The following FAT4 variants were observed in gnomAD, a reference collection of about 807,000 sequenced individuals.
FAT4 encodes protocadherin Fat 4.
A neutral mutation model predicts 303.9 loss-of-function variants in FAT4; 84 were observed. The ratio of observed to expected loss-of-function variants is 0.28; its 90% CI spans 0.23 to 0.33. FAT4 has a LOEUF of 0.33. Among genes scored for constraint, FAT4 ranks in the 10% least tolerant of loss-of-function variants. The pLI, the probability that FAT4 is intolerant of heterozygous loss-of-function variation, is 1.00. For missense variants in FAT4, 6,005 were observed against 6,146.8 expected, an observed-to-expected ratio of 0.98 and a Z score of 0.77; for synonymous variants, 2,307 against 2,298.8, an observed-to-expected ratio of 1.00 and a Z score of -0.10.
chr4:125,347,049 CA>C (rs1227569876), intron 2 of FAT4, among the ~76,000 whole-genome samples: 1 of 151,870 alleles, frequency 6.6e-6, no homozygotes, highest in Non-Finnish European at 1.5e-5. Flanking sequence ...TGAAAGAAAT[CA>C]GGTGAGAGCT....
chr4:125,476,322 A>G (rs887020500), intron 13 of FAT4, 66 bp downstream of exon 13: 4 of 811,254 alleles, frequency 4.9e-6, no homozygotes, highest in Non-Finnish European at 7.6e-6. Context: ...CTTTATACCT[A>G]AAAATAATTA....
At chr4:125,476,041 A>G in intron 12 of FAT4, 130 bp from the exon 13 acceptor site, 2 of 465,188 alleles carry the variant, frequency 4.3e-6, no homozygotes, top group South Asian at 9.0e-5. Context: ...TGATTTATAC[A>G]TTAAATCAAG....
At position 125,449,237 on chromosome 4, in the gene FAT4, C is replaced by T. The variant is rs770555304; in HGVS notation, c.8227C>T (p.Leu2743=). 3.3e-5 allele frequency: 53 copies of T among 1,613,718 alleles called. No individual in the cohort carries two copies. The highest frequency in any genetic ancestry group is 4.4e-5 in the Non-Finnish European group (52 of 1,179,894). Residue 2743 remains leucine, a synonymous_variant, in exon 10 of 18, where the codon CTA becomes TTA. Transcript: ENST00000394329. ...CAGGGAAAAAGTATCTCATTATGTCCTAACCATAAAATCATCAGACAAAGG... is the reference window on the plus strand; with the variant it reads ...CAGGGAAAAAGTATCTCATTATGTCTTAACCATAAAATCATCAGACAAAGG... ...LDREKVSHYV[L]TIKSSDKGSP...
intron 7 of FAT4, among the ~76,000 whole-genome samples, chr4:125,431,856 T>C (rs372792537): frequency 2.1e-5 from 1 of 47,736 alleles, no homozygotes; most frequent in African/African-American, 7.3e-5. Context: ...CCCTAGGTAA[T>C]TTTTTTTTTA....
intron 8 of FAT4, among the ~76,000 whole-genome samples, chr4:125,436,107 G>A (rs1376406506): frequency 6.6e-6 from 1 of 151,136 alleles, no homozygotes; most frequent in East Asian, 2.0e-4. Context: ...GAGTTAATGG[G>A]TGCAGCACAC....
chr4:125,407,181 CT>C (rs1734652046), intron 4 of FAT4, 40 bp downstream of exon 4: 2 of 1,560,662 alleles, frequency 1.3e-6, no homozygotes, highest in African/African-American at 2.7e-5. Flanking sequence ...GCAAGAATCG[CT>C]TTTGAACCAA....
chr4:125,346,175 A>G (rs935783088), intron 2 of FAT4, among the ~76,000 whole-genome samples: 5 of 152,064 alleles, frequency 3.3e-5, no homozygotes, highest in Non-Finnish European at 7.4e-5. Flanking sequence ...CCTGTATTGA[A>G]GCTTGTACAC....
intron 2 of FAT4, among the ~76,000 whole-genome samples, chr4:125,330,241 C>A (rs544594536): frequency 1.3e-5 from 2 of 151,918 alleles, no homozygotes; most frequent in Non-Finnish European, 2.9e-5. Context: ...TCTCACATTG[C>A]AAATTAGGCT....
Position 125,455,176 on chromosome 4 carries a change from C to G in FAT4, c.11800+2366C>G, listed in dbSNP as rs538788613. ...CATTAGTCTAATGCATTTATTCACA[C>G]TTAGGTTTAGATTGAGTTTACATTT... On this transcript the variant is annotated intron_variant, in intron 10 of 17. Transcript: ENST00000394329. Among the ~76,000 whole-genome samples, 256 of 152,102 alleles carry G rather than the reference C, an allele frequency of 1.7e-3. 2 individuals are homozygous for G. Among genetic ancestry groups the G allele is most frequent in the Non-Finnish European group, 2.3e-3 (159 of 68,026 alleles).
rs139297327 is a variant in FAT4, at chr4:125,329,403, C to T, written c.5175+7817C>T. Among the ~76,000 whole-genome samples, 48 of 152,270 alleles carry T rather than the reference C, an allele frequency of 3.2e-4. 1 individual carries two copies. The highest frequency in any genetic ancestry group is 9.4e-4 in the African/African-American group (39 of 41,544). On this transcript the variant is annotated intron_variant, in intron 2 of 17. Coordinates refer to ENST00000394329, the MANE Select transcript of FAT4 (RefSeq NM_001291303.3). ...TTTTACTTCCATTAAATGCTTTATT[C>T]GGTTGGCTTCCGAGTCATCATATTC...
intron 2 of FAT4, among the ~76,000 whole-genome samples, chr4:125,323,281 C>T (rs570892004): frequency 6.6e-6 from 1 of 152,128 alleles, no homozygotes; most frequent in African/African-American, 2.4e-5. Context: ...TTTATTGTGT[C>T]TTTTTTATTT....
intron 11 of FAT4, 32 bp downstream of exon 11, chr4:125,463,699 TAA>T (rs1726561342): frequency 2.1e-6 from 3 of 1,417,602 alleles, no homozygotes; most frequent in Non-Finnish European, 2.9e-6. Context: ...ATATAAAATA[TAA>T]GTTTATTTTT....
intron 7 of FAT4, among the ~76,000 whole-genome samples, chr4:125,417,383 T>C (rs911182282): frequency 6.6e-6 from 1 of 152,148 alleles, no homozygotes; most frequent in Non-Finnish European, 1.5e-5. Flanking sequence ...ATGTGCAGGC[T>C]GCTCAAGAAC....
At chr4:125,345,014 T>A (rs561228865) in intron 2 of FAT4, among the ~76,000 whole-genome samples, 1 of 152,252 alleles carries the variant, frequency 6.6e-6, no homozygotes, top group African/African-American at 2.4e-5. Context: ...TTGCAGATTA[T>A]TTCTGTCTTT....
chr4:125,322,049 G>T (rs1033431353), intron 2 of FAT4, among the ~76,000 whole-genome samples: 1 of 152,072 alleles, frequency 6.6e-6, no homozygotes, highest in Non-Finnish European at 1.5e-5. Context: ...TGGGCTGACA[G>T]TGTACACCAG....
chr4:125,402,708 TG>T (rs1734435347), intron 3 of FAT4, among the ~76,000 whole-genome samples: 1 of 152,034 alleles, frequency 6.6e-6, no homozygotes, highest in Non-Finnish European at 1.5e-5. Context: ...TAAGCTATGA[TG>T]GAAAAGATGT....
intron 11 of FAT4, among the ~76,000 whole-genome samples, chr4:125,465,416 C>A: frequency 6.6e-6 from 1 of 152,092 alleles, no homozygotes; most frequent in East Asian, 1.9e-4. Flanking sequence ...TTTAACTTAA[C>A]ATTTTGAGAT....
chr4:125,418,677 A>G (rs1211509720), intron 7 of FAT4, among the ~76,000 whole-genome samples: 1 of 152,172 alleles, frequency 6.6e-6, no homozygotes, highest in Non-Finnish European at 1.5e-5. Flanking sequence ...TTCGGCCTTC[A>G]TTATGCATTA....
At chr4:125,464,827 T>C (rs1173734693) in intron 11 of FAT4, among the ~76,000 whole-genome samples, 1 of 152,202 alleles carries the variant, frequency 6.6e-6, no homozygotes, top group Non-Finnish European at 1.5e-5. Context: ...TTCATCTATG[T>C]CTCTTTTCTT....
Sources: gnomAD v4.1 joint callset for allele counts (sites outside exome capture counted in the v4.1 genomes callset) on GRCh38, gnomAD v4.1.1 for gene constraint, MANE v1.5 for transcripts, NCBI Gene and HGNC (gene_info 2026-07-23, HGNC 2026-07-21) for gene names.